The following EPG5 variants were observed in gnomAD, a reference collection of about 807,000 sequenced individuals.
The protein encoded by EPG5 is ectopic P-granules 5 autophagy tethering factor.
In EPG5, 159 loss-of-function variants were observed where a neutral mutation model predicts 302.7. The observed-to-expected ratio is 0.53, with a 90% CI of 0.46 to 0.60. The LOEUF (loss-of-function observed/expected upper bound fraction) is 0.60. EPG5 is among the 20% of genes least tolerant of loss of function. EPG5 has a pLI of 0.00. For missense variants in EPG5, 2,896 were observed against 3,092.4 expected, an observed-to-expected ratio of 0.94 and a Z score of 1.51; for synonymous variants, 1,158 against 1,136.8, an observed-to-expected ratio of 1.02 and a Z score of -0.37.
At chr18:45,936,317 C>G (rs1427084399) in intron 10 of EPG5, among the ~76,000 whole-genome samples, 1 of 152,106 alleles carries the variant, frequency 6.6e-6, no homozygotes, top group Admixed American at 6.5e-5. Flanking sequence ...GCTACTTAAA[C>G]CAGTATCTCA....
chr18:45,837,868 C>T, the EPG5 span: 1 of 1,533,302 alleles, frequency 6.5e-7, no homozygotes, highest in African/African-American at 1.4e-5. Flanking sequence ...GCTACGAGAG[C>T]CGCCACGGCG....
In EPG5 at chr18:45,952,537, G is replaced by C; in HGVS notation, c.1115C>G (p.Ser372Cys). 6.2e-7 allele frequency: 1 copy of C among 1,614,148 alleles called. No homozygotes were observed. The highest frequency in any genetic ancestry group is 8.5e-7 in the Non-Finnish European group (1 of 1,180,020). ...GGCCAGGGTCTGGTGGAGGTGCTCA[G>C]ATTTGGCATCGAATAGCTTCTTTAG... Reference protein sequence around the residue: ...VELKKLFDAKSEHLHQTLALH... With the variant: ...VELKKLFDAKCEHLHQTLALH... Residue 372 changes from serine (S) to cysteine (C), a missense_variant, in exon 3 of 44, where the codon TCT becomes TGT. By Grantham distance (112) the Ser-to-Cys change is moderately radical. Coordinates refer to ENST00000282041, the MANE Select transcript of EPG5 (RefSeq NM_020964.3).
chr18:45,829,326 G>A, the EPG5 span: 1 of 198,232 alleles, frequency 5.0e-6, no homozygotes, highest in Non-Finnish European at 9.1e-6. Context: ...GAACCTTCAG[G>A]GTCTGGTTTG....
Position 45,943,163 on chromosome 18 carries a change from G to T in EPG5, c.1941C>A (p.Ile647=). The change falls in exon 9 of 44, where the codon ATC becomes ATA. Residue 647 remains isoleucine (I), a splice_region_variant and synonymous_variant. Coordinates refer to ENST00000282041, the MANE Select transcript of EPG5 (RefSeq NM_020964.3). ...RQFVKRIGYM[I]RMTLGYVSDH... Reference sequence around the variant, plus strand: ...GGGTAGAGCAACAGCAGTATTACCTGATCATATAACCAATTCGCTTCACAA... The same window carrying T: ...GGGTAGAGCAACAGCAGTATTACCTTATCATATAACCAATTCGCTTCACAA... 1 of 1,614,070 alleles carries T rather than the reference G, an allele frequency of 6.2e-7. No homozygotes were observed. The highest frequency in any genetic ancestry group is 1.1e-5 in the South Asian group (1 of 91,072).
At chr18:45,911,048 T>G (rs975815925) in intron 22 of EPG5, among the ~76,000 whole-genome samples, 2 of 148,508 alleles carry the variant, frequency 1.3e-5, no homozygotes, top group South Asian at 4.2e-4. Context: ...CAGAAGCGAC[T>G]AAGAATCTAT....
At chr18:45,958,515 C>CAGAAA (rs2051079258) in intron 1 of EPG5, among the ~76,000 whole-genome samples, 3 of 152,096 alleles carry the variant, frequency 2.0e-5, no homozygotes, top group Admixed American at 2.0e-4. Flanking sequence ...GAAATAAAAC[C>CAGAAA]TTACATATAT....
chr18:45,855,336 T>A, intron 43 of EPG5: 1 of 432,728 alleles, frequency 2.3e-6, no homozygotes, highest in South Asian at 4.0e-5. Context: ...CTAGACAGAC[T>A]TTTCGTTTGG....
chr18:45,844,566 A>G (rs2145096062), downstream of EPG5, among the ~76,000 whole-genome samples: 1 of 152,352 alleles, frequency 6.6e-6, no homozygotes, highest in Non-Finnish European at 1.5e-5. Context: ...TTTAAAAAAG[A>G]GGCAGTGATG....
At chr18:45,893,246 T>C (rs550715077) in intron 27 of EPG5, among the ~76,000 whole-genome samples, 2 of 152,322 alleles carry the variant, frequency 1.3e-5, no homozygotes, top group Admixed American at 6.5e-5. Flanking sequence ...CCTGTTTCTC[T>C]GAACTCATCC....
At chr18:45,902,577 T>G (rs1194018659) in intron 25 of EPG5, among the ~76,000 whole-genome samples, 2 of 152,208 alleles carry the variant, frequency 1.3e-5, no homozygotes, top group Non-Finnish European at 2.9e-5. Context: ...TAAAACAAAT[T>G]TAGTTTAAGA....
the EPG5 span, among the ~76,000 whole-genome samples, chr18:45,820,732 G>C: frequency 6.6e-6 from 1 of 152,230 alleles, no homozygotes; most frequent in South Asian, 2.1e-4. Flanking sequence ...AAACAATCCT[G>C]GTTTCATGTT....
At chr18:45,875,442 A>G (rs1213832787) in intron 35 of EPG5, among the ~76,000 whole-genome samples, 1 of 152,214 alleles carries the variant, frequency 6.6e-6, no homozygotes, top group Non-Finnish European at 1.5e-5. Flanking sequence ...AGATACTACC[A>G]AAAAGGATCA....
intron 14 of EPG5, among the ~76,000 whole-genome samples, chr18:45,924,791 G>A (rs1354839464): frequency 1.3e-5 from 2 of 152,162 alleles, no homozygotes; most frequent in Admixed American, 6.5e-5. Flanking sequence ...GCAGTGGCAC[G>A]CGCCTGTAAT....
chr18:45,833,731 G>GCTGTTT, the EPG5 span, among the ~76,000 whole-genome samples: 1 of 152,194 alleles, frequency 6.6e-6, no homozygotes, highest in Non-Finnish European at 1.5e-5. Flanking sequence ...TGTTGCTGTT[G>GCTGTTT]CTGTTAGTTC....
intron 21 of EPG5, 148 bp from the exon 22 acceptor site, chr18:45,912,604 C>T: frequency 1.2e-6 from 1 of 830,662 alleles, no homozygotes; most frequent in East Asian, 2.9e-5. Flanking sequence ...CTCACTTCTC[C>T]AATCCACTAG....
intron 32 of EPG5, 54 bp from the exon 33 acceptor site, chr18:45,879,268 TG>T: frequency 7.5e-7 from 1 of 1,342,224 alleles, no homozygotes; most frequent in Non-Finnish European, 1.0e-6. Flanking sequence ...TTTAGTAAAG[TG>T]TTATGATACA....
At chr18:45,921,761 A>G (rs1054809789) in intron 16 of EPG5, among the ~76,000 whole-genome samples, 5 of 152,038 alleles carry the variant, frequency 3.3e-5, no homozygotes, top group Non-Finnish European at 5.9e-5. Flanking sequence ...AAATTGAACA[A>G]TGAGAACACC....
At chr18:45,944,161 G>T in intron 7 of EPG5, 42 bp from the exon 8 acceptor site, 2 of 1,248,536 alleles carry the variant, frequency 1.6e-6, no homozygotes, top group Non-Finnish European at 2.4e-6. Flanking sequence ...GATTTGATCA[G>T]ATCACACTAT....
the EPG5 span, chr18:45,837,626 C>A: frequency 1.3e-6 from 2 of 1,507,892 alleles, no homozygotes; most frequent in Non-Finnish European, 1.8e-6. Flanking sequence ...CTACGACGGG[C>A]CGCTGACGGC....
Sources: allele counts gnomAD v4.1 joint callset (sites outside exome capture counted in the v4.1 genomes callset), GRCh38; gene constraint gnomAD v4.1.1; transcripts MANE v1.5; gene names NCBI Gene and HGNC (gene_info 2026-07-23, HGNC 2026-07-21).